NTN4: variants seen among roughly 807,000 people sequenced by gnomAD.
NTN4 encodes netrin 4.
NTN4 carries 32 observed loss-of-function variants against 73.6 expected under a neutral mutation model. The ratio of observed to expected loss-of-function variants is 0.44; its 90% CI spans 0.33 to 0.58. The LOEUF (loss-of-function observed/expected upper bound fraction) is 0.58, where lower values mean the gene tolerates loss of function less well. NTN4 is among the 20% of genes least tolerant of loss of function. The pLI, the probability that NTN4 is intolerant of heterozygous loss-of-function variation, is 0.04. For synonymous variants in NTN4, 258 were observed against 287.5 expected, an observed-to-expected ratio of 0.90 and a Z score of 1.04; for missense variants, 654 against 798.3, an observed-to-expected ratio of 0.82 and a Z score of 2.18.
At chr12:95,758,226 C>T (rs554167182) in intron 2 of NTN4, among the ~76,000 whole-genome samples, 36 of 152,210 alleles carry the variant, frequency 2.4e-4, no homozygotes, top group South Asian at 1.5e-3. Context: ...GTTGCTATAC[C>T]TCCTCTCCAA....
chr12:95,777,941 C>G (rs551535753), intron 2 of NTN4, among the ~76,000 whole-genome samples: 1 of 151,988 alleles, frequency 6.6e-6, no homozygotes, highest in Non-Finnish European at 1.5e-5. Context: ...TGTAAAAGAA[C>G]AGAAATTATA....
chr12:95,746,386 ACC>A (rs138404936), intron 2 of NTN4, among the ~76,000 whole-genome samples: 33 of 151,132 alleles, frequency 2.2e-4, no homozygotes, highest in Admixed American at 5.9e-4. Flanking sequence ...TTTTAACTAG[ACC>A]CCCCCCTCCC....
intron 7 of NTN4, chr12:95,672,405 C>T: frequency 9.4e-7 from 1 of 1,067,942 alleles, no homozygotes; most frequent in Non-Finnish European, 1.5e-6. Flanking sequence ...CCCGGCAGGC[C>T]ACCAGGAGGT....
At chr12:95,747,034 A>C (rs953142675) in intron 2 of NTN4, among the ~76,000 whole-genome samples, 2 of 152,218 alleles carry the variant, frequency 1.3e-5, no homozygotes, top group Non-Finnish European at 2.9e-5. Context: ...CACAGTTTAT[A>C]AAACTGTACA....
intron 3 of NTN4, among the ~76,000 whole-genome samples, chr12:95,735,216 C>A (rs1180125340): frequency 6.6e-6 from 1 of 150,642 alleles, no homozygotes; most frequent in Non-Finnish European, 1.5e-5. Flanking sequence ...GCTATTGGTC[C>A]AATTGCTTAT....
rs763290963 is a variant in NTN4, at chr12:95,686,933, G to A, written c.1181-3222C>T. ...CGTCTTAGCTATTTTTGGGTGTACC[G>A]TTCATCCCTTCTGCATTTTACGTTT... On this transcript the variant is annotated intron_variant, in intron 5 of 9. Transcript: ENST00000343702. Among the ~76,000 whole-genome samples, 6 of 152,122 alleles carry A rather than the reference G, an allele frequency of 3.9e-5. No individual in the cohort carries two copies. In the East Asian group the frequency reaches 7.7e-4, roughly 20 times the overall value.
chr12:95,698,841 A>G (rs1323093219), intron 5 of NTN4, among the ~76,000 whole-genome samples: 2 of 150,218 alleles, frequency 1.3e-5, no homozygotes, highest in East Asian at 3.9e-4. Context: ...TGTGCGATAG[A>G]GTGAGACTCT....
chr12:95,673,291 C>A, intron 7 of NTN4: 1 of 321,574 alleles, frequency 3.1e-6, no homozygotes, highest in Non-Finnish European at 6.1e-6. Context: ...GGCATGGGTT[C>A]TCAGTCCAAG....
intron 5 of NTN4, among the ~76,000 whole-genome samples, chr12:95,709,753 G>A (rs967820616): frequency 1.3e-5 from 2 of 151,974 alleles, no homozygotes; most frequent in African/African-American, 4.8e-5. Flanking sequence ...GGCTGGTCTC[G>A]AACTTGTAAG....
chr12:95,774,961 T>A (rs897311851), intron 2 of NTN4, among the ~76,000 whole-genome samples: 3 of 152,232 alleles, frequency 2.0e-5, no homozygotes, highest in Non-Finnish European at 4.4e-5. Context: ...GAAATAGCAC[T>A]GGGCTAGAAG....
At chr12:95,676,970 C>T (rs1017064519) in intron 7 of NTN4, among the ~76,000 whole-genome samples, 5 of 152,174 alleles carry the variant, frequency 3.3e-5, no homozygotes, top group Non-Finnish European at 7.3e-5. Context: ...GGCAAGGTGG[C>T]TCACGCCTGT....
rs2079180794 is a variant in NTN4, at chr12:95,787,786, A to G, written c.56-318T>C. Among the ~76,000 whole-genome samples, 4 of 152,212 alleles carry G rather than the reference A, an allele frequency of 2.6e-5. No homozygotes were observed. In the South Asian group the frequency reaches 8.3e-4, roughly 31 times the overall value. Reference sequence around the variant, plus strand: ...GGAAAATAGAACCACCAGGGTGAAGATTATTGGCCTAAAACTTTTCAAGTA... The same window carrying G: ...GGAAAATAGAACCACCAGGGTGAAGGTTATTGGCCTAAAACTTTTCAAGTA... On this transcript the variant is annotated intron_variant, in intron 1 of 9. Coordinates refer to ENST00000343702, the MANE Select transcript of NTN4 (RefSeq NM_021229.4).
intron 6 of NTN4, 39 bp from the exon 7 acceptor site, chr12:95,682,861 T>C (rs777637361): frequency 3.2e-6 from 4 of 1,252,522 alleles, no homozygotes; most frequent in Non-Finnish European, 4.7e-6. Flanking sequence ...TATTCAGGAA[T>C]TTTTTAGAAC....
At chr12:95,763,277 A>G (rs1034918788) in intron 2 of NTN4, among the ~76,000 whole-genome samples, 4 of 152,042 alleles carry the variant, frequency 2.6e-5, no homozygotes, top group Non-Finnish European at 5.9e-5. Context: ...GAGGCCATTT[A>G]ACTCAAATTT....
chr12:95,717,841 C>A (rs1481421982), intron 3 of NTN4, among the ~76,000 whole-genome samples: 2 of 152,128 alleles, frequency 1.3e-5, no homozygotes, highest in African/African-American at 4.8e-5. Flanking sequence ...ACCTTAACAG[C>A]AAAACTACAA....
rs1167852052 is a variant in NTN4, at chr12:95,658,509, C to T, written c.*577G>A. The T allele has an allele frequency of 6.6e-6, 1 of 152,630 alleles. No individual in the cohort carries two copies. The highest frequency in any genetic ancestry group is 1.5e-5 in the Non-Finnish European group (1 of 68,042). The allele number at this position is 152,630 out of a possible 1,614,324, so 9.5% of individuals were successfully genotyped here. ...CTGCTTCAGTAGGCTTTCTCACACA[C>T]CCTTTTCCTTCTTTCAACAGCAGTC... On this transcript the variant is annotated 3_prime_UTR_variant, in exon 10 of 10. Coordinates refer to ENST00000343702, the MANE Select transcript of NTN4 (RefSeq NM_021229.4).
At chr12:95,663,447 T>G (rs1017802571) in intron 9 of NTN4, 1 of 152,226 alleles carries the variant, frequency 6.6e-6, no homozygotes. Flanking sequence ...GATACAATAC[T>G]TTAGTGCTAG....
intron 3 of NTN4, among the ~76,000 whole-genome samples, chr12:95,734,798 G>A (rs561167456): frequency 6.6e-6 from 1 of 152,188 alleles, no homozygotes; most frequent in African/African-American, 2.4e-5. Context: ...CCAGCACTTT[G>A]GGAGGCTGAG....
chr12:95,680,880 C>T (rs555944219), intron 7 of NTN4, among the ~76,000 whole-genome samples: 3 of 152,040 alleles, frequency 2.0e-5, no homozygotes, highest in East Asian at 3.9e-4. Context: ...AGCCTGGCTA[C>T]CAAAAACATT....
Sources: allele counts gnomAD v4.1 joint callset (sites outside exome capture counted in the v4.1 genomes callset), GRCh38; gene constraint gnomAD v4.1.1; transcripts MANE v1.5; gene names NCBI Gene and HGNC (gene_info 2026-07-23, HGNC 2026-07-21).